PPP2R3B: variants seen among roughly 807,000 people sequenced by gnomAD.
PPP2R3B encodes serine/threonine-protein phosphatase 2A regulatory subunit B'' subunit beta.
PPP2R3B carries 68 observed loss-of-function variants against 72.9 expected under a neutral mutation model. That is an observed-to-expected ratio of 0.93 (90% CI 0.77 to 1.14). The LOEUF (loss-of-function observed/expected upper bound fraction) is 1.14, where lower values mean the gene tolerates loss of function less well. Among genes scored for constraint, PPP2R3B ranks in the 50% most tolerant of loss-of-function variants. The pLI is 0.00. For missense variants in PPP2R3B, 1,018 were observed against 842.0 expected, an observed-to-expected ratio of 1.21 and a Z score of -2.59; for synonymous variants, 466 against 375.8, an observed-to-expected ratio of 1.24 and a Z score of -2.78.
At chrX:360,161 C>T (rs548464012) in intron 2 of PPP2R3B, among the ~76,000 whole-genome samples, 22 of 152,198 alleles carry the variant, frequency 1.4e-4, no homozygotes, top group African/African-American at 3.6e-4. Context: ...AGCGACCATG[C>T]GGAATTTATC....
intron 1 of PPP2R3B, among the ~76,000 whole-genome samples, chrX:383,663 C>T (rs1280507569): frequency 2.0e-5 from 3 of 151,576 alleles, no homozygotes; most frequent in African/African-American, 4.8e-5. Flanking sequence ...CGGTGAAACC[C>T]CGTCTCTACT....
chrX:346,228 C>T lies in PPP2R3B; in HGVS notation c.825G>A (p.Arg275=), dbSNP rs1210669143. The T allele has an allele frequency of 3.2e-6, 5 of 1,573,006 alleles. No homozygotes were observed. Among genetic ancestry groups the T allele is most frequent in the Middle Eastern group, 2.2e-4 (1 of 4,636 alleles). The change falls in exon 6 of 13, where the codon CGG becomes CGA. Residue 275 remains arginine (R), a synonymous_variant. Coordinates refer to ENST00000390665, the MANE Select transcript of PPP2R3B (RefSeq NM_013239.5). ...CGCAGGTGATCCTGCCGGACCAGGA[C>T]CGGTTCACGGCGTAGAAGATCCGCT... ...VIQRIFYAVN[R]SWSGRITCAE...
At chrX:345,762 A>T in intron 6 of PPP2R3B, 90 bp from the exon 7 acceptor site, 36 of 426,946 alleles carry the variant, frequency 8.4e-5, no homozygotes, top group Non-Finnish European at 1.2e-4. Flanking sequence ...GAAGGCTGGG[A>T]GGGTCGGGGC....
chrX:344,706 G>A (rs990165513), intron 7 of PPP2R3B, among the ~76,000 whole-genome samples: 9 of 152,220 alleles, frequency 5.9e-5, no homozygotes, highest in African/African-American at 1.9e-4. Context: ...CAGGGCGCAG[G>A]TGGCTCCCTG....
intron 12 of PPP2R3B, chrX:336,445 C>T (rs570450746): frequency 6.6e-6 from 1 of 152,162 alleles, no homozygotes; most frequent in East Asian, 2.0e-4. Context: ...TCCCCCAGGA[C>T]TGGGAACGAG....
chrX:358,511 G>A (rs2071479389), intron 2 of PPP2R3B, among the ~76,000 whole-genome samples: 1 of 152,240 alleles, frequency 6.6e-6, no homozygotes, highest in Admixed American at 6.5e-5. Context: ...CACAACTTCA[G>A]TCTCAGAGCT....
intron 1 of PPP2R3B, among the ~76,000 whole-genome samples, chrX:377,431 ACACC>A (rs1364475585): frequency 9.4e-4 from 36 of 38,180 alleles, no homozygotes; most frequent in Non-Finnish European, 1.3e-3. Flanking sequence ...CGGGCCGTCC[ACACC>A]CAGTGGGGCC....
chrX:347,462 G>C, intron 3 of PPP2R3B, 126 bp from the exon 4 acceptor site: 1 of 1,343,858 alleles, frequency 7.4e-7, no homozygotes, highest in Admixed American at 1.8e-5. Flanking sequence ...ACGACGGCCA[G>C]GCCTGTGCCC....
In PPP2R3B at chrX:334,517, C is replaced by T; in HGVS notation, c.1578G>A (p.Gly526=). Residue 526 remains glycine, a splice_region_variant and synonymous_variant, in exon 13 of 13, where the codon GGG becomes GGA. Transcript: ENST00000390665. ...CCACAGGGCTGAGCTCGGCCTCGAA[C>T]CTGCAACGAGGGGATGGCGAAGACG... ...EETAGEPWED[G]FEAELSPVEQ... is the part of the protein sequence containing the mutation. 1.3e-6 allele frequency: 2 copies of T among 1,538,894 alleles called. No individual in the cohort carries two copies. Among genetic ancestry groups the T allele is most frequent in the Non-Finnish European group, 8.7e-7 (1 of 1,149,996 alleles).
At chrX:348,696 C>T (rs758561096) in intron 2 of PPP2R3B, among the ~76,000 whole-genome samples, 16 of 152,170 alleles carry the variant, frequency 1.1e-4, no homozygotes, top group African/African-American at 3.9e-4. Context: ...GAAACAGACT[C>T]CCCGATGAAC....
intron 8 of PPP2R3B, 120 bp from the exon 9 acceptor site, chrX:341,516 C>CCCCCTCCTG: frequency 1.0e-6 from 1 of 991,200 alleles, no homozygotes; most frequent in South Asian, 1.4e-5. Flanking sequence ...CTCCTCCTGC[C>CCCCCTCCTG]CCCCTCCTGC....
At chrX:383,877 CA>C (rs1209347947) in intron 1 of PPP2R3B, among the ~76,000 whole-genome samples, 2 of 85,508 alleles carry the variant, frequency 2.3e-5, no homozygotes, top group Non-Finnish European at 5.3e-5. Flanking sequence ...ACCAAAAAAA[CA>C]AAAAAACAAC....
chrX:369,785 A>C (rs2071815991), intron 1 of PPP2R3B, among the ~76,000 whole-genome samples: 1 of 152,202 alleles, frequency 6.6e-6, no homozygotes, highest in Non-Finnish European at 1.5e-5. Flanking sequence ...CCGGAGCAGC[A>C]GGGGGCCGGC....
chrX:361,446 G>T lies in PPP2R3B; in HGVS notation c.469C>A (p.His157Asn). ...ATGTCATCCATGGTGGCCCTCTCGT[G>T]GGGGAACCGGGCGAAGGTGCTCTCG... ...KIESTFARFP[H>N]ERATMDDMGL... is the part of the protein sequence containing the mutation. The change falls in exon 2 of 13, where the codon CAC becomes AAC. Residue 157 changes from histidine (H) to asparagine (N), a missense_variant. Coordinates refer to ENST00000390665, the MANE Select transcript of PPP2R3B (RefSeq NM_013239.5). 1.9e-6 allele frequency: 3 copies of T among 1,613,760 alleles called. No individual in the cohort carries two copies. Among genetic ancestry groups the T allele is most frequent in the Non-Finnish European group, 1.7e-6 (2 of 1,179,654 alleles).
intron 1 of PPP2R3B, among the ~76,000 whole-genome samples, chrX:376,277 C>T (rs1200583887): frequency 7.0e-6 from 1 of 143,070 alleles, no homozygotes; most frequent in East Asian, 2.1e-4. Flanking sequence ...TAGACTCTGA[C>T]CTGGAGCCCT....
intron 5 of PPP2R3B, 47 bp from the exon 6 acceptor site, chrX:346,307 G>A: frequency 6.6e-7 from 1 of 1,517,234 alleles, no homozygotes; most frequent in Non-Finnish European, 8.9e-7. Context: ...ACCCCCAGGA[G>A]CCTCGCCCCG....
intron 1 of PPP2R3B, chrX:373,520 C>A: frequency 5.8e-6 from 1 of 172,938 alleles, no homozygotes; most frequent in South Asian, 9.9e-5. Context: ...CCGCGGGGCG[C>A]GCGGGGCTGA....
chrX:355,304 G>A (rs1272171720), intron 2 of PPP2R3B, among the ~76,000 whole-genome samples: 3 of 152,282 alleles, frequency 2.0e-5, no homozygotes, highest in East Asian at 3.9e-4. Context: ...GTGATGAACC[G>A]TGAACAAGAC....
At chrX:368,559 CG>C (rs1414018606) in intron 1 of PPP2R3B, among the ~76,000 whole-genome samples, 3 of 119,008 alleles carry the variant, frequency 2.5e-5, no homozygotes, top group Non-Finnish European at 3.4e-5. Context: ...CGGGCACCGA[CG>C]GGGGGAAGGC....
Sources: gnomAD v4.1 joint callset for allele counts (sites outside exome capture counted in the v4.1 genomes callset) on GRCh38, gnomAD v4.1.1 for gene constraint, MANE v1.5 for transcripts, NCBI Gene and HGNC (gene_info 2026-07-23, HGNC 2026-07-21) for gene names.